Variants in CC2D2A observed in about 807,000 individuals in gnomAD.
The protein encoded by CC2D2A is coiled-coil and C2 domain containing 2A.
A neutral mutation model predicts 212.9 loss-of-function variants in CC2D2A; 155 were observed. The ratio of observed to expected loss-of-function variants is 0.73; its 90% CI spans 0.64 to 0.83. The LOEUF (loss-of-function observed/expected upper bound fraction) is 0.83. CC2D2A is among the 40% of genes least tolerant of loss of function. CC2D2A has a pLI of 0.00. For synonymous variants in CC2D2A, 667 were observed against 686.5 expected (o/e 0.97, Z 0.44); for missense variants, 1,856 against 1,956.2 (o/e 0.95, Z 0.97).
At chr4:15,539,603 T>C (rs1012817418) in intron 16 of CC2D2A, among the ~76,000 whole-genome samples, 14 of 152,378 alleles carry the variant, frequency 9.2e-5, no homozygotes, top group Admixed American at 4.6e-4. Context: ...TGCATTTTCA[T>C]GTGTTCCCTC....
rs760642174 is a variant in CC2D2A at position 15,513,699 on chromosome 4, T to C, written c.718-1008T>C. On this transcript the variant is annotated intron_variant, in intron 8 of 36. Transcript: ENST00000424120. ...TTCTGTCTTCTCTGCAGTTTTTCTCTGGGTGATTTTGCTCACCACGAAGCA... is the reference window on the plus strand; with the variant it reads ...TTCTGTCTTCTCTGCAGTTTTTCTCCGGGTGATTTTGCTCACCACGAAGCA... Among the ~76,000 whole-genome samples the C allele has an allele frequency of 7.2e-5, 11 of 152,256 alleles. 1 individual carries two copies. The highest frequency in any genetic ancestry group is 1.3e-4 in the Non-Finnish European group (9 of 68,044).
At chr4:15,540,280 G>A (rs1036455214) in intron 16 of CC2D2A, among the ~76,000 whole-genome samples, 1 of 151,458 alleles carries the variant, frequency 6.6e-6, no homozygotes, top group African/African-American at 2.4e-5. Context: ...AAAGACCAAT[G>A]GGAGGTTGTT....
At chr4:15,490,448 G>A (rs542358738) in intron 4 of CC2D2A, among the ~76,000 whole-genome samples, 6 of 152,110 alleles carry the variant, frequency 3.9e-5, no homozygotes, top group East Asian at 1.9e-4. Context: ...TTTGAGATTC[G>A]TAAGTATTGT....
At chr4:15,495,273 TCATTTTTGG>T (rs1439757096) in intron 4 of CC2D2A, among the ~76,000 whole-genome samples, 1 of 152,080 alleles carries the variant, frequency 6.6e-6, no homozygotes, top group East Asian at 1.9e-4. Flanking sequence ...CACACTCAGC[TCATTTTTGG>T]TATTTTACTA....
intron 4 of CC2D2A, among the ~76,000 whole-genome samples, chr4:15,483,467 C>A (rs1034770743): frequency 3.3e-5 from 5 of 152,184 alleles, no homozygotes; most frequent in Non-Finnish European, 5.9e-5. Flanking sequence ...AATCACCTAT[C>A]AGTCCTTTCG....
intron 33 of CC2D2A, among the ~76,000 whole-genome samples, chr4:15,592,604 G>A (rs1466741530): frequency 6.6e-6 from 1 of 152,114 alleles, no homozygotes; most frequent in Non-Finnish European, 1.5e-5. Flanking sequence ...TCATTACTCT[G>A]CAGTTGTTTC....
chr4:15,473,672 G>C (rs943106739), intron 1 of CC2D2A, among the ~76,000 whole-genome samples: 3 of 152,166 alleles, frequency 2.0e-5, no homozygotes, highest in Non-Finnish European at 2.9e-5. Context: ...CAGCAATGTG[G>C]CAAGCTGAGA....
intron 36 of CC2D2A, among the ~76,000 whole-genome samples, chr4:15,600,128 T>G (rs1721520335): frequency 6.6e-6 from 1 of 152,206 alleles, no homozygotes. Flanking sequence ...GTTCACATGC[T>G]ATAGCTGGAT....
rs1278578914 is a variant in CC2D2A at position 15,599,575 on chromosome 4, C to A, written c.4543C>A (p.His1515Asn). ...AAAAATCATGGACTGGAGGCCACGC[C>A]ATCTGACTCGGTGGAATAGGTATTG... ...KEKIMDWRPRHLTRWNRYCTS... is the reference protein window; with the variant it reads ...KEKIMDWRPRNLTRWNRYCTS... The change falls in exon 36 of 37, where the codon CAT becomes AAT. Residue 1515 changes from histidine to asparagine, a missense_variant. Coordinates refer to ENST00000424120, the MANE Select transcript of CC2D2A (RefSeq NM_001378615.1). The A allele has an allele frequency of 1.9e-6, 3 of 1,602,334 alleles. No individual in the cohort carries two copies. Among genetic ancestry groups the A allele is most frequent in the Non-Finnish European group, 2.6e-6 (3 of 1,171,846 alleles).
chr4:15,505,846 T>C (rs980133620), intron 6 of CC2D2A, among the ~76,000 whole-genome samples: 3 of 152,228 alleles, frequency 2.0e-5, no homozygotes, highest in African/African-American at 7.2e-5. Context: ...TCAGGACCAC[T>C]ATCAAGCATA....
At chr4:15,544,441 A>G (rs897153075) in intron 17 of CC2D2A, among the ~76,000 whole-genome samples, 2 of 152,182 alleles carry the variant, frequency 1.3e-5, no homozygotes, top group East Asian at 3.9e-4. Flanking sequence ...ACATGAGAAG[A>G]CCGGATAGAG....
intron 33 of CC2D2A, chr4:15,595,821 C>T (rs892803276): frequency 4.0e-6 from 1 of 247,644 alleles, no homozygotes; most frequent in Non-Finnish European, 7.6e-6. Context: ...AACAACCTCA[C>T]TTTTTATCAA....
At position 15,569,547 on chromosome 4, in the gene CC2D2A, G is replaced by A. The variant is rs182478830; in HGVS notation, c.3495+158G>A. 5.3e-5 allele frequency among the ~76,000 whole-genome samples: 8 copies of A among 152,280 alleles called. No individual in the cohort carries two copies. The East Asian group carries it at 1.5e-3, about 29-fold the overall frequency. On this transcript the variant is annotated intron_variant, in intron 27 of 36. Transcript: ENST00000424120. The stretch of plus-strand genomic sequence containing the variant: ...ATTCAGAGCGAGTCCACAGTGCAAA[G>A]CAAAAGCGAGTTTATTAGGAAAGTA...
rs1419232670 is a variant in CC2D2A, at chr4:15,536,918, A to G, written c.1608-2A>G. The G allele has an allele frequency of 2.5e-6, 4 of 1,610,932 alleles. No homozygotes were observed. The highest frequency in any genetic ancestry group is 3.4e-6 in the Non-Finnish European group (4 of 1,178,900). ...ACCAAGGGACTACAAATTATTTTAA[A>G]GGGAAAAAGCTGACCAGAAAGCAGA... On this transcript the variant is annotated splice_acceptor_variant, in intron 14 of 36. Transcript: ENST00000424120. LOFTEE classifies it high-confidence loss of function.
At chr4:15,501,122 T>C (rs547536747) in intron 4 of CC2D2A, among the ~76,000 whole-genome samples, 20 of 152,142 alleles carry the variant, frequency 1.3e-4, no homozygotes, top group Non-Finnish European at 2.6e-4. Flanking sequence ...CCAGGTTGAG[T>C]GTGTGTTTAA....
At chr4:15,489,445 C>G (rs1174133206) in intron 4 of CC2D2A, among the ~76,000 whole-genome samples, 2 of 152,098 alleles carry the variant, frequency 1.3e-5, no homozygotes, top group Admixed American at 6.5e-5. Context: ...CGCTGCAGTT[C>G]ACTACCTCAC....
chr4:15,516,030 G>T, intron 10 of CC2D2A, 26 bp downstream of exon 10: 2 of 1,564,856 alleles, frequency 1.3e-6, no homozygotes, highest in South Asian at 1.2e-5. Context: ...CTGCTCTCAG[G>T]TGTAGCCTGG....
intron 1 of CC2D2A, 82 bp from the exon 2 acceptor site, chr4:15,475,833 C>G (rs1264756953): frequency 1.8e-6 from 2 of 1,134,594 alleles, no homozygotes; most frequent in African/African-American, 1.5e-5. Flanking sequence ...ACCATCATGG[C>G]CAGCCTCTTA....
intron 18 of CC2D2A, among the ~76,000 whole-genome samples, chr4:15,552,734 T>C (rs1719071264): frequency 6.6e-6 from 1 of 152,224 alleles, no homozygotes. Flanking sequence ...AGCGCTATCT[T>C]CAGTGCCTGC....
Sources: allele counts gnomAD v4.1 joint callset (sites outside exome capture counted in the v4.1 genomes callset), GRCh38; gene constraint gnomAD v4.1.1; transcripts MANE v1.5; gene names NCBI Gene and HGNC (gene_info 2026-07-23, HGNC 2026-07-21).